ARRDC5: variants seen among roughly 807,000 people sequenced by gnomAD.
ARRDC5 encodes the protein arrestin domain containing 5, also known as arrestin domain-containing protein 5.
In ARRDC5, 12 loss-of-function variants were observed where a neutral mutation model predicts 13.3. The observed-to-expected ratio is 0.90, with a 90% CI of 0.58 to 1.46. The LOEUF is 1.46. Ranked by LOEUF, ARRDC5 falls within the 40% of genes most tolerant of loss-of-function variation. ARRDC5 has a pLI of 0.00. For synonymous variants in ARRDC5, 181 were observed against 173.4 expected (o/e 1.04, Z -0.34); for missense variants, 406 against 418.7 (o/e 0.97, Z 0.26).
the ARRDC5 span, among the ~76,000 whole-genome samples, chr19:4,915,641 G>C: frequency 6.6e-6 from 1 of 151,906 alleles, no homozygotes; most frequent in Non-Finnish European, 1.5e-5. Flanking sequence ...CCTGGGAGGT[G>C]GGAGGTTGCA....
chr19:4,905,441 CATT>C (rs1011844368), upstream of ARRDC5, among the ~76,000 whole-genome samples: 23 of 151,192 alleles, frequency 1.5e-4, no homozygotes, highest in Non-Finnish European at 3.2e-4. Context: ...TTTCTTAAAA[CATT>C]ATGAGATTTT....
chr19:4,896,961 AT>A (rs2031760084), intron 1 of ARRDC5, 85 bp from the exon 2 acceptor site: 2 of 977,724 alleles, frequency 2.0e-6, no homozygotes, highest in African/African-American at 3.5e-5. Context: ...TTATTTTTAT[AT>A]TTATTTATTT....
chr19:4,895,620 C>T (rs2031686177), intron 2 of ARRDC5, among the ~76,000 whole-genome samples: 1 of 152,024 alleles, frequency 6.6e-6, no homozygotes. Context: ...AGAACGAGTC[C>T]TTCACTCAGC....
chr19:4,901,336 C>T (rs2031905746), intron 1 of ARRDC5, among the ~76,000 whole-genome samples: 1 of 152,004 alleles, frequency 6.6e-6, no homozygotes, highest in African/African-American at 2.4e-5. Flanking sequence ...AATACATAAG[C>T]CAGGCCTGGT....
chr19:4,915,563 A>G, the ARRDC5 span, among the ~76,000 whole-genome samples: 1 of 152,066 alleles, frequency 6.6e-6, no homozygotes, highest in East Asian at 1.9e-4. Flanking sequence ...AAATACAAAA[A>G]TTAGCCAGAC....
At chr19:4,906,845 C>T (rs2032073951), upstream of ARRDC5, among the ~76,000 whole-genome samples, 2 of 152,218 alleles carry the variant, frequency 1.3e-5, no homozygotes, top group South Asian at 4.1e-4. Flanking sequence ...ATGATGTGTT[C>T]TGATAGAAAT....
At chr19:4,913,463 C>T in the ARRDC5 span, among the ~76,000 whole-genome samples, 8 of 151,996 alleles carry the variant, frequency 5.3e-5, no homozygotes, top group Non-Finnish European at 1.2e-4. Flanking sequence ...CCATGTTGGC[C>T]AGGCTGGTCT....
upstream of ARRDC5, among the ~76,000 whole-genome samples, chr19:4,904,426 A>G (rs746844398): frequency 9.2e-5 from 14 of 151,824 alleles, no homozygotes; most frequent in Non-Finnish European, 1.8e-4. Context: ...TGATCCGCCC[A>G]CCTTGGCCTC....
intron 2 of ARRDC5, among the ~76,000 whole-genome samples, chr19:4,894,925 A>G (rs2031659402): frequency 6.6e-6 from 1 of 151,996 alleles, no homozygotes; most frequent in African/African-American, 2.4e-5. Context: ...CTGAAGGTTA[A>G]TTGAATCTGG....
rs2031467546 is a variant in ARRDC5 at position 4,890,580 on chromosome 19, GGATAAACAATTCCT to G, written c.*452_*465del. Reference sequence around the variant, plus strand: ...GCCCCCTTGGTACTGTTGACATTCAGGATAAACAATTCCTGATTGTGGGGGCCGTCCTGGACACT... The same window carrying G: ...GCCCCCTTGGTACTGTTGACATTCAGGATTGTGGGGGCCGTCCTGGACACT... On this transcript the variant is annotated 3_prime_UTR_variant, in exon 3 of 3. Transcript: ENST00000650722. The G allele has an allele frequency of 5.9e-6, 1 of 168,302 alleles. No homozygotes were observed. The highest frequency in any genetic ancestry group is 1.3e-5 in the Non-Finnish European group (1 of 76,806). 10.4% of individuals were successfully genotyped at this position (168,302 alleles called of 1,614,324 possible). A position where few individuals can be genotyped will look rare whatever the true frequency, so the allele number is the denominator to read the frequency against.
At chr19:4,909,645 C>A in the ARRDC5 span, 8 of 567,570 alleles carry the variant, frequency 1.4e-5, no homozygotes, top group Admixed American at 3.6e-5. Flanking sequence ...CTGTTCGCGG[C>A]GACCGGAGAG....
chr19:4,912,279 C>T, the ARRDC5 span, among the ~76,000 whole-genome samples: 2 of 152,222 alleles, frequency 1.3e-5, no homozygotes, highest in Non-Finnish European at 2.9e-5. Flanking sequence ...CTTCCTCCCT[C>T]CTCCTATGAT....
chr19:4,909,645 C>T, the ARRDC5 span: 17 of 567,576 alleles, frequency 3.0e-5, no homozygotes, highest in Middle Eastern at 7.7e-4. Flanking sequence ...CTGTTCGCGG[C>T]GACCGGAGAG....
chr19:4,909,215 G>A, the ARRDC5 span: 3 of 488,504 alleles, frequency 6.1e-6, no homozygotes, highest in African/African-American at 4.1e-5. Context: ...CAGGGGGTCT[G>A]TACCCTGGGG....
chr19:4,915,439 C>T, the ARRDC5 span, among the ~76,000 whole-genome samples: 15 of 152,166 alleles, frequency 9.9e-5, no homozygotes, highest in African/African-American at 3.6e-4. Flanking sequence ...TATGGCGGGG[C>T]CCAGTGGCTC....
chr19:4,905,019 T>C (rs1230405070), upstream of ARRDC5, among the ~76,000 whole-genome samples: 1 of 152,132 alleles, frequency 6.6e-6, no homozygotes, highest in Non-Finnish European at 1.5e-5. Flanking sequence ...TGGCCTCTTA[T>C]TTCCCTAAGT....
chr19:4,891,005 T>G lies in ARRDC5; in HGVS notation c.*41A>C. On this transcript the variant is annotated 3_prime_UTR_variant, in exon 3 of 3. Transcript: ENST00000650722. ...TGCAAGAGAGAGGGCTTCCTCCTGG[T>G]AGAGACTAATAAAGCTTTTAATATT... is the stretch of plus-strand genomic sequence containing the variant. The G allele has an allele frequency of 6.5e-7, 1 of 1,544,148 alleles. No individual in the cohort carries two copies. Among genetic ancestry groups the G allele is most frequent in the Non-Finnish European group, 8.8e-7 (1 of 1,139,838 alleles).
At chr19:4,894,078 A>AAAG (rs1193802668) in intron 2 of ARRDC5, among the ~76,000 whole-genome samples, 6 of 143,028 alleles carry the variant, frequency 4.2e-5, no homozygotes, top group Non-Finnish European at 9.1e-5. Context: ...GAAGAAGAAG[A>AAAG]AAGAAGAAGA....
chr19:4,909,526 G>A, the ARRDC5 span: 8 of 658,936 alleles, frequency 1.2e-5, no homozygotes, highest in Non-Finnish European at 2.2e-5. Flanking sequence ...GCGGCGGGCA[G>A]CGTTTGCCGA....
Sources: allele counts gnomAD v4.1 joint callset (sites outside exome capture counted in the v4.1 genomes callset), GRCh38; gene constraint gnomAD v4.1.1; transcripts MANE v1.5; gene names NCBI Gene and HGNC (gene_info 2026-07-23, HGNC 2026-07-21).